The following NALF1 variants were observed in gnomAD, a reference collection of about 807,000 sequenced individuals.
NALF1 encodes NALCN channel auxiliary factor 1.
In NALF1, 3 loss-of-function variants were observed where a neutral mutation model predicts 48.4. The observed-to-expected ratio is 0.06, with a 90% CI of 0.03 to 0.16. NALF1 has a LOEUF of 0.16. NALF1 is among the 10% of genes least tolerant of loss of function. The pLI, the probability that NALF1 is intolerant of heterozygous loss-of-function variation, is 1.00. For synonymous variants in NALF1, 262 were observed against 245.7 expected, an observed-to-expected ratio of 1.07 and a Z score of -0.62; for missense variants, 526 against 571.5, an observed-to-expected ratio of 0.92 and a Z score of 0.81.
intron 1 of NALF1, among the ~76,000 whole-genome samples, chr13:107,450,293 T>G (rs1300783668): frequency 6.6e-6 from 1 of 151,784 alleles, no homozygotes; most frequent in Non-Finnish European, 1.5e-5. Context: ...CCAAGAAGAA[T>G]GTGGGAAAAC....
chr13:107,329,921 T>C (rs2138922910), intron 1 of NALF1, among the ~76,000 whole-genome samples: 1 of 152,246 alleles, frequency 6.6e-6, no homozygotes, highest in Admixed American at 6.5e-5. Flanking sequence ...CTTTTAAAAC[T>C]TTAGACGATT....
chr13:107,672,256 G>C (rs1298382805), intron 1 of NALF1, among the ~76,000 whole-genome samples: 2 of 152,164 alleles, frequency 1.3e-5, no homozygotes, highest in Non-Finnish European at 2.9e-5. Flanking sequence ...TGCCATAATA[G>C]AGGAAGATTG....
At position 107,866,095 on chromosome 13, in the gene NALF1, G is replaced by A. The variant is rs780229987; in HGVS notation, c.502C>T (p.Leu168=). ...GCGCCCTGGGGGTAACAAGTCTCCA[G>A]GCGCCACACGGGCTTGGCAGAGTTT... The part of the protein sequence containing the change: ...LGNSAKPVWR[L]ETCYPQGASS... Residue 168 remains leucine, a synonymous_variant, in exon 1 of 3, where the codon CTG becomes TTG. Transcript: ENST00000375915. This position sits in a 1 kb window ranked among gnomAD's most constrained non-coding sequence, Gnocchi z 4.4. 7 of 1,612,956 alleles carry A rather than the reference G, an allele frequency of 4.3e-6. 1 individual carries two copies. The South Asian group carries it at 5.5e-5, about 13-fold the overall frequency.
chr13:107,289,796 A>G (rs2138881338), intron 1 of NALF1, among the ~76,000 whole-genome samples: 1 of 152,326 alleles, frequency 6.6e-6, no homozygotes. Context: ...TGGAATATAG[A>G]TGTTTCAATG....
chr13:107,516,227 G>A (rs965309846), intron 1 of NALF1, among the ~76,000 whole-genome samples: 1 of 152,154 alleles, frequency 6.6e-6, no homozygotes, highest in African/African-American at 2.4e-5. Flanking sequence ...AGATGACAAT[G>A]AGCGGAGTCA....
chr13:107,301,325 A>C (rs975916079), intron 1 of NALF1, among the ~76,000 whole-genome samples: 2 of 152,234 alleles, frequency 1.3e-5, no homozygotes, highest in Non-Finnish European at 2.9e-5. Flanking sequence ...TAAGAATTAA[A>C]AAGCGAAAAA....
At chr13:107,290,461 G>C (rs1430011711) in intron 1 of NALF1, among the ~76,000 whole-genome samples, 1 of 152,076 alleles carries the variant, frequency 6.6e-6, no homozygotes, top group Non-Finnish European at 1.5e-5. Context: ...CCCCCATACT[G>C]TTTTCATGGT....
At chr13:107,304,585 A>T (rs1881900297) in intron 1 of NALF1, among the ~76,000 whole-genome samples, 1 of 152,238 alleles carries the variant, frequency 6.6e-6, no homozygotes, top group Non-Finnish European at 1.5e-5. Context: ...TGTGGATCCA[A>T]GACCAGAAAT....
chr13:107,771,353 C>T lies in NALF1; in HGVS notation c.915+94329G>A, dbSNP rs1594256038. ...ATTGCAGAAGGCCTATAATTATCAT[C>T]ATAATACATAACATACTTAATGGCT... is the stretch of plus-strand genomic sequence containing the variant. On this transcript the variant is annotated intron_variant, in intron 1 of 2. Transcript: ENST00000375915. Among the ~76,000 whole-genome samples, 3 of 151,746 alleles carry T rather than the reference C, an allele frequency of 2.0e-5. No homozygotes were observed. The East Asian group carries it at 5.8e-4, about 29-fold the overall frequency.
At chr13:107,697,962 A>G (rs926932541) in intron 1 of NALF1, among the ~76,000 whole-genome samples, 1 of 152,122 alleles carries the variant, frequency 6.6e-6, no homozygotes, top group Non-Finnish European at 1.5e-5. Flanking sequence ...GTAGTTTCCA[A>G]TGTGTAATAC....
At chr13:107,381,204 G>GT (rs556942495) in intron 1 of NALF1, among the ~76,000 whole-genome samples, 1,786 of 139,124 alleles carry the variant, frequency 0.013, 24 homozygotes, top group African/African-American at 0.037. Flanking sequence ...AAAAAATAGA[G>GT]TTTTTTTTTT....
intron 1 of NALF1, among the ~76,000 whole-genome samples, chr13:107,335,611 C>T (rs762843239): frequency 1.3e-4 from 20 of 152,194 alleles, no homozygotes; most frequent in Non-Finnish European, 2.6e-4. Flanking sequence ...AAATCTGTAG[C>T]CATTTAGAAA....
Position 107,272,293 on chromosome 13 carries a change from C to A in NALF1, c.916-61538G>T, listed in dbSNP as rs1210148751. ...GCAGTGGCGCAATCTCGGCTCACTG[C>A]AAGCTCCGCTTCCCGGGTTCACGCC... On this transcript the variant is annotated intron_variant, in intron 1 of 2. Transcript: ENST00000375915. 1.2e-4 allele frequency among the ~76,000 whole-genome samples: 2 copies of A among 16,766 alleles called. 1 individual carries two copies. Among genetic ancestry groups the A allele is most frequent in the Non-Finnish European group, 3.7e-4 (2 of 5,450 alleles). The allele number at this position is 16,766 out of a possible 152,430, so 11.0% of individuals were successfully genotyped here. A position where few individuals can be genotyped will look rare whatever the true frequency, so the allele number is the denominator to read the frequency against.
chr13:107,551,363 C>A (rs891877954), intron 1 of NALF1, among the ~76,000 whole-genome samples: 1 of 152,080 alleles, frequency 6.6e-6, no homozygotes, highest in African/African-American at 2.4e-5. Context: ...ATATCTTTAT[C>A]ATCATTATGT....
intron 1 of NALF1, among the ~76,000 whole-genome samples, chr13:107,235,391 C>T (rs918483317): frequency 6.6e-6 from 1 of 151,946 alleles, no homozygotes; most frequent in African/African-American, 2.4e-5. Flanking sequence ...ATGCAATGTA[C>T]AGTTATCCCT....
intron 1 of NALF1, among the ~76,000 whole-genome samples, chr13:107,581,879 A>G (rs1594141355): frequency 1.3e-5 from 2 of 152,322 alleles, no homozygotes; most frequent in Middle Eastern, 3.4e-3. Flanking sequence ...CTATCGTCTT[A>G]CACAAATCCA....
intron 1 of NALF1, among the ~76,000 whole-genome samples, chr13:107,858,856 T>C (rs1880500033): frequency 6.6e-6 from 1 of 152,230 alleles, no homozygotes; most frequent in South Asian, 2.1e-4. Context: ...TGAAGCTTGT[T>C]ACCTGCTATT....
rs879913651 is a variant in NALF1, at chr13:107,496,736, T to TTC, written c.916-285982_916-285981insGA. Among the ~76,000 whole-genome samples, 466 of 152,202 alleles carry TTC rather than the reference T, an allele frequency of 3.1e-3. 3 individuals carry two copies. The highest frequency in any genetic ancestry group is 5.1e-3 in the Non-Finnish European group (344 of 68,008). On this transcript the variant is annotated intron_variant, in intron 1 of 2. Transcript: ENST00000375915. The stretch of plus-strand genomic sequence containing the variant: ...ACAGTTCCACATGGCTGGGGAAGCC[T>TTC]CAAAATCATGGTGGAAGGCAAGGAG...
intron 1 of NALF1, among the ~76,000 whole-genome samples, chr13:107,852,597 C>T (rs1256030008): frequency 1.3e-5 from 2 of 152,132 alleles, no homozygotes; most frequent in African/African-American, 2.4e-5. Flanking sequence ...CGAGGAAATG[C>T]ATGTGGTCTT....
Sources: gnomAD v4.1 joint callset for allele counts (sites outside exome capture counted in the v4.1 genomes callset) on GRCh38, gnomAD v4.1.1 for gene constraint, Gnocchi (gnomAD v3.1) non-coding constraint, MANE v1.5 for transcripts, NCBI Gene and HGNC (gene_info 2026-07-23, HGNC 2026-07-21) for gene names.